The following GLIS3 variants were observed in gnomAD, a reference collection of about 807,000 sequenced individuals.
The protein encoded by GLIS3 is zinc finger protein GLIS3.
In GLIS3, 53 loss-of-function variants were observed where a neutral mutation model predicts 78.6. The observed-to-expected ratio is 0.67, with a 90% CI of 0.54 to 0.85. GLIS3 has a LOEUF of 0.85. Among genes scored for constraint, GLIS3 ranks in the 40% least tolerant of loss-of-function variants. GLIS3 has a pLI of 0.00. For missense variants in GLIS3, 1,703 were observed against 1,231.1 expected (o/e 1.38, Z -5.74); for synonymous variants, 684 against 509.9 (o/e 1.34, Z -4.60).
chr9:3,971,248 T>C (rs1019704248), intron 4 of GLIS3, among the ~76,000 whole-genome samples: 4 of 151,798 alleles, frequency 2.6e-5, no homozygotes, highest in African/African-American at 9.7e-5. Context: ...AGACCTCCTG[T>C]CCACATGAAG....
chr9:4,348,607 GTTATC>G (rs1432015957), upstream of GLIS3, among the ~76,000 whole-genome samples: 1 of 152,152 alleles, frequency 6.6e-6, no homozygotes, highest in African/African-American at 2.4e-5. Flanking sequence ...TTAAATATGG[GTTATC>G]TTATTATGAA....
At position 4,125,760 on chromosome 9, in the gene GLIS3, G is replaced by A; in HGVS notation, c.570C>T (p.Asn190=). ...PSLQRAMNAA[N]LNIPPSDTRS... Reference sequence around the variant, plus strand: ...TGGTATCTGAAGGAGGTATATTCAGGTTGGCTGCATTCATTGCCCTCTGTA... The same window carrying A: ...TGGTATCTGAAGGAGGTATATTCAGATTGGCTGCATTCATTGCCCTCTGTA... Residue 190 remains asparagine (N), a synonymous_variant, in exon 3 of 11, where the codon AAC becomes AAT. Coordinates refer to ENST00000381971, the MANE Select transcript of GLIS3 (RefSeq NM_001042413.2). The A allele has an allele frequency of 6.2e-7, 1 of 1,613,856 alleles. No individual in the cohort carries two copies. Among genetic ancestry groups the A allele is most frequent in the Non-Finnish European group, 8.5e-7 (1 of 1,179,946 alleles).
chr9:4,378,956 G>A, the GLIS3 span, among the ~76,000 whole-genome samples: 1 of 152,210 alleles, frequency 6.6e-6, no homozygotes, highest in Non-Finnish European at 1.5e-5. Flanking sequence ...GAGGCCAAGT[G>A]TTTTGGGTTA....
chr9:4,180,904 C>A (rs1310874613), intron 2 of GLIS3, among the ~76,000 whole-genome samples: 1 of 152,182 alleles, frequency 6.6e-6, no homozygotes, highest in Non-Finnish European at 1.5e-5. Context: ...CACCCAAGTA[C>A]AGGTCCCTTT....
chr9:4,153,690 G>C (rs1026929802), intron 2 of GLIS3, among the ~76,000 whole-genome samples: 3 of 152,308 alleles, frequency 2.0e-5, no homozygotes, highest in South Asian at 2.1e-4. Context: ...TTACAAATGA[G>C]TGGATGAAAA....
intron 4 of GLIS3, among the ~76,000 whole-genome samples, chr9:4,050,196 C>T (rs776752325): frequency 6.6e-6 from 1 of 152,158 alleles, no homozygotes. Context: ...TGGAACCAAC[C>T]CAAATATCCA....
chr9:3,882,405 A>G (rs925744314), intron 7 of GLIS3, among the ~76,000 whole-genome samples: 1 of 152,226 alleles, frequency 6.6e-6, no homozygotes, highest in Admixed American at 6.5e-5. Context: ...TCAGGGTATC[A>G]GAGAAGCCTC....
intron 6 of GLIS3, among the ~76,000 whole-genome samples, chr9:3,899,359 C>A: frequency 6.6e-6 from 1 of 151,012 alleles, no homozygotes; most frequent in Non-Finnish European, 1.5e-5. Flanking sequence ...TTAACAGTAA[C>A]AAAACTCCAA....
chr9:4,162,647 C>CAGG (rs1335234155), intron 2 of GLIS3, among the ~76,000 whole-genome samples: 8 of 151,980 alleles, frequency 5.3e-5, no homozygotes, highest in Admixed American at 2.6e-4. Flanking sequence ...ATCACGAGGT[C>CAGG]AGATCGAGAC....
At chr9:4,280,600 G>GTATTTAAGAAATAC (rs1274732553) in intron 2 of GLIS3, among the ~76,000 whole-genome samples, 32 of 152,168 alleles carry the variant, frequency 2.1e-4, no homozygotes, top group Admixed American at 1.7e-3. Flanking sequence ...GTCAAAGAAT[G>GTATTTAAGAAATAC]AATTGTATTT....
intron 2 of GLIS3, among the ~76,000 whole-genome samples, chr9:4,239,895 T>C (rs1157293525): frequency 6.6e-6 from 1 of 152,250 alleles, no homozygotes; most frequent in East Asian, 1.9e-4. Context: ...TCTGTATCAT[T>C]AGACCTTTAC....
the GLIS3 span, among the ~76,000 whole-genome samples, chr9:4,416,730 G>A: frequency 6.6e-6 from 1 of 150,858 alleles, no homozygotes; most frequent in South Asian, 2.1e-4. Flanking sequence ...TATTAAGGTT[G>A]ACAGACTCGC....
intron 4 of GLIS3, among the ~76,000 whole-genome samples, chr9:3,999,570 A>G (rs1195624954): frequency 6.6e-6 from 1 of 152,052 alleles, no homozygotes; most frequent in East Asian, 1.9e-4. Context: ...AGATTTTTAA[A>G]TAATAAATGT....
At chr9:4,128,931 G>A (rs942891541) in intron 2 of GLIS3, among the ~76,000 whole-genome samples, 3 of 152,154 alleles carry the variant, frequency 2.0e-5, no homozygotes, top group Non-Finnish European at 2.9e-5. Context: ...AGCGATCACT[G>A]GTCAACTTTA....
At chr9:4,034,247 GA>G (rs1022323940) in intron 4 of GLIS3, among the ~76,000 whole-genome samples, 3 of 151,870 alleles carry the variant, frequency 2.0e-5, no homozygotes, top group African/African-American at 7.3e-5. Context: ...CAGATCCCCA[GA>G]AACTTTATTA....
intron 4 of GLIS3, among the ~76,000 whole-genome samples, chr9:4,007,320 T>A (rs1474210542): frequency 6.6e-6 from 1 of 152,090 alleles, no homozygotes; most frequent in Non-Finnish European, 1.5e-5. Context: ...TTACCCCATC[T>A]TTCTCTGCCC....
At chr9:4,325,614 C>T (rs1290517052) in intron 2 of GLIS3, among the ~76,000 whole-genome samples, 1 of 152,174 alleles carries the variant, frequency 6.6e-6, no homozygotes, top group Non-Finnish European at 1.5e-5. Flanking sequence ...TTTCTTTTAA[C>T]CTTCATTAGC....
At chr9:4,437,470 A>ATC in the GLIS3 span, among the ~76,000 whole-genome samples, 7 of 149,630 alleles carry the variant, frequency 4.7e-5, no homozygotes, top group South Asian at 2.1e-4. Context: ...CTATCTATCT[A>ATC]TATATCATTT....
In GLIS3 at chr9:4,337,854, G is replaced by A. The variant is rs111761271; in HGVS notation, n.264+9227C>T. 2.0e-5 allele frequency among the ~76,000 whole-genome samples: 3 copies of A among 152,152 alleles called. No individual in the cohort carries two copies. The East Asian group carries it at 5.8e-4, about 29-fold the overall frequency. On this transcript the variant is annotated intron_variant and non_coding_transcript_variant, in intron 2 of 4. Transcript: ENST00000471664. Reference sequence around the variant, plus strand: ...TCATTTAATCCTCACAAAACTCTATGAGGCAACTATTACCCCCATTTGAAA... The same window carrying A: ...TCATTTAATCCTCACAAAACTCTATAAGGCAACTATTACCCCCATTTGAAA...
Sources: allele counts gnomAD v4.1 joint callset (sites outside exome capture counted in the v4.1 genomes callset), GRCh38; gene constraint gnomAD v4.1.1; transcripts MANE v1.5; gene names NCBI Gene and HGNC (gene_info 2026-07-23, HGNC 2026-07-21).